Variants in DNMT1 observed in about 807,000 individuals in gnomAD.
DNMT1 encodes the protein DNA (cytosine-5)-methyltransferase 1.
A neutral mutation model predicts 205.3 loss-of-function variants in DNMT1; 24 were observed. The observed-to-expected ratio is 0.12, with a 90% CI of 0.08 to 0.16. The LOEUF (loss-of-function observed/expected upper bound fraction) is 0.16. DNMT1 is among the 10% of genes least tolerant of loss of function. The pLI is 1.00. For missense variants in DNMT1, 1,293 were observed against 2,177.7 expected, an observed-to-expected ratio of 0.59 and a Z score of 8.09; for synonymous variants, 817 against 839.8, an observed-to-expected ratio of 0.97 and a Z score of 0.47.
rs1044055011 is a variant in DNMT1 at position 10,143,993 on chromosome 19, G to C, written c.2895-6C>G. 2 of 1,613,370 alleles carry C rather than the reference G, an allele frequency of 1.2e-6. No homozygotes were observed. The highest frequency in any genetic ancestry group is 2.7e-5 in the African/African-American group (2 of 74,886). On this transcript the variant is annotated splice_polypyrimidine_tract_variant and splice_region_variant and intron_variant, in intron 28 of 40. Coordinates refer to ENST00000359526, the MANE Select transcript of DNMT1 (RefSeq NM_001130823.3). ...CGGGACTGGACAGCTTGATGCTGCAGAGAAGCACCCACTTGACATCAATGA... is the reference window on the plus strand; with the variant it reads ...CGGGACTGGACAGCTTGATGCTGCACAGAAGCACCCACTTGACATCAATGA...
In DNMT1 at chr19:10,137,083, A is replaced by C; in HGVS notation, c.4489+2T>G. ...CCGGGAACCACAACTTACAGGACCC[A>C]CCTTCCACGCAGGAGCAGACCCCAC... is the stretch of plus-strand genomic sequence containing the variant. On this transcript the variant is annotated splice_donor_variant, in intron 37 of 40. Coordinates refer to ENST00000359526, the MANE Select transcript of DNMT1 (RefSeq NM_001130823.3). LOFTEE classifies it high-confidence loss of function. The surrounding 1 kb of genome is among the most constrained non-coding windows in gnomAD (Gnocchi z 6.4). 6.2e-7 allele frequency: 1 copy of C among 1,611,036 alleles called. No individual in the cohort carries two copies. The highest frequency in any genetic ancestry group is 8.5e-7 in the Non-Finnish European group (1 of 1,179,242).
At chr19:10,144,034 G>A (rs1399337134) in intron 28 of DNMT1, 47 bp from the exon 29 acceptor site, 1 of 1,591,684 alleles carries the variant, frequency 6.3e-7, no homozygotes, top group South Asian at 1.1e-5. Flanking sequence ...CCACCTTGCA[G>A]TGGTCAGTCA....
chr19:10,148,295 G>C (rs1262909625), intron 27 of DNMT1, among the ~76,000 whole-genome samples: 1 of 151,010 alleles, frequency 6.6e-6, no homozygotes, highest in East Asian at 1.9e-4. Flanking sequence ...AGGAGATCGA[G>C]ACCATCCTGG....
chr19:10,159,837 C>T lies in DNMT1; in HGVS notation c.1170+5G>A, dbSNP rs745767142. 9.9e-6 allele frequency: 16 copies of T among 1,614,190 alleles called. No individual in the cohort carries two copies. The highest frequency in any genetic ancestry group is 1.6e-4 in the Middle Eastern group (1 of 6,062). Reference sequence around the variant, plus strand: ...GAGGAAGGCTGGGAAGAGAGCTGTACGTACCGCGTCTGGTGGGTGCTGCCC... The same window carrying T: ...GAGGAAGGCTGGGAAGAGAGCTGTATGTACCGCGTCTGGTGGGTGCTGCCC... On this transcript the variant is annotated splice_donor_5th_base_variant and intron_variant, in intron 16 of 40. Transcript: ENST00000359526. The surrounding 1 kb of genome is among the most constrained non-coding windows in gnomAD (Gnocchi z 5.0).
At chr19:10,194,195 T>C (rs1309153568) in intron 1 of DNMT1, among the ~76,000 whole-genome samples, 1 of 152,172 alleles carries the variant, frequency 6.6e-6, no homozygotes, top group South Asian at 2.1e-4. Flanking sequence ...AAACATGGAC[T>C]TTCCCAAGGA....
chr19:10,194,760 AC>A lies in DNMT1; in HGVS notation c.80+59del, dbSNP rs1323264355. The A allele has an allele frequency of 1.3e-4, 197 of 1,515,720 alleles. 1 individual carries two copies. The South Asian group carries it at 2.2e-3, about 17-fold the overall frequency. The allele number at this position is 1,515,720 out of a possible 1,614,324, so 93.9% of individuals were successfully genotyped here. On this transcript the variant is annotated intron_variant, in intron 1 of 40. Coordinates refer to ENST00000359526, the MANE Select transcript of DNMT1 (RefSeq NM_001130823.3). ...CCACCGGCCACCCCGAGGGGAAGCG[AC>A]CCCCCACCCAGCGCCCTGCCTGTCC...
At chr19:10,143,111 A>T (rs2089635898) in intron 29 of DNMT1, among the ~76,000 whole-genome samples, 1 of 152,348 alleles carries the variant, frequency 6.6e-6, no homozygotes, top group East Asian at 1.9e-4. Context: ...AAGAGAAAAA[A>T]TCCCAGAGAC....
intron 8 of DNMT1, 30 bp from the exon 9 acceptor site, chr19:10,173,204 T>C (rs2038860814): frequency 2.5e-6 from 4 of 1,612,232 alleles, no homozygotes; most frequent in Non-Finnish European, 3.4e-6. Context: ...AGACCCCAAG[T>C]GTGAGTGCCA....
intron 38 of DNMT1, 80 bp downstream of exon 38, chr19:10,136,041 G>T: frequency 6.3e-7 from 1 of 1,596,854 alleles, no homozygotes. Context: ...CCCCCACTTG[G>T]CTAAACCCAC....
chr19:10,163,691 G>C (rs1449651114), intron 11 of DNMT1, among the ~76,000 whole-genome samples: 1 of 152,182 alleles, frequency 6.6e-6, no homozygotes, highest in Non-Finnish European at 1.5e-5. Context: ...TGCTATGGTA[G>C]CACAAAAGCA....
rs758501828 is a variant in DNMT1 at position 10,142,115 on chromosome 19, G to A, written c.3222C>T (p.Gly1074=). Residue 1074 remains glycine (G), a synonymous_variant, in exon 30 of 41, where the codon GGC becomes GGT. Transcript: ENST00000359526. ...EAVVDFKAVQ[G]RCTVEYGEDL... ...CCTCCCCATACTCCACGGTGCAGCG[G>A]CCCTGCACAGCCTTGAAGTCCACCA... is the stretch of plus-strand genomic sequence containing the variant. 4.3e-6 allele frequency: 7 copies of A among 1,613,800 alleles called. No homozygotes were observed. In the African/African-American group the frequency reaches 9.3e-5, roughly 22 times the overall value.
chr19:10,165,760 A>G (rs2038677807), intron 11 of DNMT1, among the ~76,000 whole-genome samples: 1 of 152,124 alleles, frequency 6.6e-6, no homozygotes, highest in African/African-American at 2.4e-5. Flanking sequence ...CCAGTTTCCA[A>G]TAGAGGGCAG....
chr19:10,137,758 G>C lies in DNMT1; in HGVS notation c.4293+74C>G. 1.9e-6 allele frequency: 3 copies of C among 1,560,830 alleles called. No homozygotes were observed. The highest frequency in any genetic ancestry group is 2.7e-5 in the African/African-American group (2 of 73,828). ...AGATTCCATGTCTCCCCTGAGTCTT[G>C]GGCAGGCTGACTGTTCCCACGAGGC... is the stretch of plus-strand genomic sequence containing the variant. On this transcript the variant is annotated intron_variant, in intron 36 of 40. Coordinates refer to ENST00000359526, the MANE Select transcript of DNMT1 (RefSeq NM_001130823.3). The surrounding 1 kb of genome is among the most constrained non-coding windows in gnomAD (Gnocchi z 6.4).
intron 22 of DNMT1, among the ~76,000 whole-genome samples, chr19:10,153,974 G>A (rs78616004): frequency 6.6e-6 from 1 of 152,226 alleles, no homozygotes. Flanking sequence ...ACTTAGATGT[G>A]AATACCCCTT....
rs771673787 is a variant in DNMT1, at chr19:10,133,664, G to C, written c.*3C>G. On this transcript the variant is annotated 3_prime_UTR_variant, in exon 41 of 41. Transcript: ENST00000359526. The surrounding 1 kb of genome is among the most constrained non-coding windows in gnomAD (Gnocchi z 4.1). ...CAGAAACAGGGGTGACGGGAGGGCA[G>C]AACTAGTCCTTAGCAGCTTCCTCCT... 6.3e-7 allele frequency: 1 copy of C among 1,599,610 alleles called. No individual in the cohort carries two copies. The highest frequency in any genetic ancestry group is 2.3e-5 in the East Asian group (1 of 44,402).
Position 10,191,907 on chromosome 19 carries a change from C to T in DNMT1, c.80+2913G>A, listed in dbSNP as rs757017230. ...AGGCTGGAGTGCAACGGTGCAATCTCGGCTCCTGGGTTCAAGCGATTATCC... is the reference window on the plus strand; with the variant it reads ...AGGCTGGAGTGCAACGGTGCAATCTTGGCTCCTGGGTTCAAGCGATTATCC... On this transcript the variant is annotated intron_variant, in intron 1 of 40. Transcript: ENST00000359526. Among the ~76,000 whole-genome samples, 3 of 151,926 alleles carry T rather than the reference C, an allele frequency of 2.0e-5. 1 individual carries two copies. In the South Asian group the frequency reaches 6.2e-4, roughly 31 times the overall value.
chr19:10,189,535 T>C (rs956800023), intron 1 of DNMT1, among the ~76,000 whole-genome samples: 1 of 151,660 alleles, frequency 6.6e-6, no homozygotes, highest in Non-Finnish European at 1.5e-5. Flanking sequence ...TCCTCCCACC[T>C]CTGCCTCCCG....
chr19:10,173,301 T>C, intron 8 of DNMT1, 127 bp from the exon 9 acceptor site: 2 of 877,370 alleles, frequency 2.3e-6, no homozygotes, highest in Admixed American at 4.0e-5. Context: ...GACAGACACA[T>C]ACTCATTTAA....
At chr19:10,173,432 T>G (rs1357219821) in intron 8 of DNMT1, among the ~76,000 whole-genome samples, 1 of 151,918 alleles carries the variant, frequency 6.6e-6, no homozygotes, top group East Asian at 1.9e-4. Flanking sequence ...GACCCCAAAT[T>G]CAGATACTTC....
Sources: gnomAD v4.1 joint callset for allele counts (sites outside exome capture counted in the v4.1 genomes callset) on GRCh38, gnomAD v4.1.1 for gene constraint, Gnocchi (gnomAD v3.1) non-coding constraint, MANE v1.5 for transcripts, NCBI Gene and HGNC (gene_info 2026-07-23, HGNC 2026-07-21) for gene names.